MED12L: variants seen among roughly 807,000 people sequenced by gnomAD.
MED12L encodes mediator complex subunit 12L, also known as mediator of RNA polymerase II transcription subunit 12-like protein.
Under a neutral mutation model 281.3 loss-of-function variants are expected in MED12L, and 60 were observed. That is an observed-to-expected ratio of 0.21 (90% CI 0.17 to 0.26). The LOEUF (loss-of-function observed/expected upper bound fraction) is 0.26. Ranked by LOEUF, MED12L falls within the 10% of genes least tolerant of loss-of-function variation. The pLI is 1.00. For synonymous variants in MED12L, 974 were observed against 987.2 expected, an observed-to-expected ratio of 0.99 and a Z score of 0.25; for missense variants, 2,146 against 2,680.9, an observed-to-expected ratio of 0.80 and a Z score of 4.41.
At chr3:151,282,186 C>T (rs1442502615) in intron 16 of MED12L, among the ~76,000 whole-genome samples, 1 of 152,150 alleles carries the variant, frequency 6.6e-6, no homozygotes, top group East Asian at 1.9e-4. Flanking sequence ...CTCTTGGAGA[C>T]TTGTTCATGT....
chr3:151,178,204 GCTGCCTGTTT>G, intron 11 of MED12L, among the ~76,000 whole-genome samples: 1 of 135,130 alleles, frequency 7.4e-6, no homozygotes, highest in Admixed American at 7.5e-5. Context: ...AATATGAAAA[GCTGCCTGTTT>G]CTGCCCCATG....
Position 151,369,473 on chromosome 3 carries a change from A to G in MED12L, c.3588A>G (p.Arg1196=), listed in dbSNP as rs1286890825. 1.2e-6 allele frequency: 2 copies of G among 1,610,932 alleles called. No homozygotes were observed. The highest frequency in any genetic ancestry group is 1.7e-6 in the Non-Finnish European group (2 of 1,178,166). ...PFPGIRSSCD[R]HLLAAAHNSI... ...CTGGAATAAGATCATCTTGTGATAG[A>G]CACCTCTTAGCCGCTGCTCACAACA... is the stretch of plus-strand genomic sequence containing the variant. Residue 1196 remains arginine, a synonymous_variant, in exon 26 of 45, where the codon AGA becomes AGG. Coordinates refer to ENST00000687756, the MANE Select transcript of MED12L (RefSeq NM_001393769.1).
intron 16 of MED12L, among the ~76,000 whole-genome samples, chr3:151,283,738 A>C (rs1157036578): frequency 1.3e-5 from 2 of 152,210 alleles, no homozygotes; most frequent in Non-Finnish European, 2.9e-5. Flanking sequence ...ATATTCTCCA[A>C]CTCCGTGCTC....
rs568837908 is a variant in MED12L, at chr3:151,197,590, CCATCTG to C, written c.2250+3925_2250+3930del. ...AGTCAGTGTATCTGTTTTATAAAGA[CCATCTG>C]ACTGGTGCTGTTTTACCATTGATGT... is the stretch of plus-strand genomic sequence containing the variant. On this transcript the variant is annotated intron_variant, in intron 16 of 44. Coordinates refer to ENST00000687756, the MANE Select transcript of MED12L (RefSeq NM_001393769.1). Among the ~76,000 whole-genome samples the C allele has an allele frequency of 1.9e-3, 286 of 152,306 alleles. 3 individuals carry two copies. The highest frequency in any genetic ancestry group is 9.5e-3 in the South Asian group (46 of 4,826).
intron 16 of MED12L, chr3:151,278,357 A>G (rs1348045330): frequency 6.7e-6 from 1 of 149,376 alleles, no homozygotes; most frequent in African/African-American, 2.4e-5. Flanking sequence ...GTAGGCTCCA[A>G]GGTAACACTG....
At chr3:151,148,413 A>G (rs957304648) in intron 5 of MED12L, among the ~76,000 whole-genome samples, 1 of 152,230 alleles carries the variant, frequency 6.6e-6, no homozygotes, top group Non-Finnish European at 1.5e-5. Context: ...GAGTAATGGT[A>G]TATATAATAG....
chr3:151,330,350 G>C (rs1326677749), intron 16 of MED12L, among the ~76,000 whole-genome samples: 1 of 152,124 alleles, frequency 6.6e-6, no homozygotes, highest in Non-Finnish European at 1.5e-5. Context: ...AATCTTTTTT[G>C]TATTTGGTGT....
At position 151,283,338 on chromosome 3, in the gene MED12L, T is replaced by G. The variant is rs931979208; in HGVS notation, c.2251-66721T>G. 3.3e-5 allele frequency among the ~76,000 whole-genome samples: 5 copies of G among 152,268 alleles called. No homozygotes were observed. In the South Asian group the frequency reaches 1.0e-3, roughly 31 times the overall value. On this transcript the variant is annotated intron_variant, in intron 16 of 44. Transcript: ENST00000687756. ...TCTTGAAAATCAGAAGGACTGAATC[T>G]CGACTGATGTTAGCAAAGAATCAGA... is the stretch of plus-strand genomic sequence containing the variant.
chr3:151,274,891 T>A (rs1741591553), intron 16 of MED12L, among the ~76,000 whole-genome samples: 1 of 152,184 alleles, frequency 6.6e-6, no homozygotes, highest in Non-Finnish European at 1.5e-5. Flanking sequence ...TTGTAAGGAA[T>A]CAGTGTTGAA....
intron 17 of MED12L, among the ~76,000 whole-genome samples, chr3:151,354,905 T>G (rs1240832282): frequency 6.6e-6 from 1 of 152,170 alleles, no homozygotes; most frequent in Non-Finnish European, 1.5e-5. Flanking sequence ...TTTGATCTCC[T>G]AGGGAGGGAG....
intron 36 of MED12L, among the ~76,000 whole-genome samples, chr3:151,386,615 C>A (rs1338890064): frequency 2.8e-5 from 4 of 142,640 alleles, no homozygotes; most frequent in African/African-American, 1.0e-4. Flanking sequence ...CTTGCTCTGT[C>A]ACCCAGGCTG....
At chr3:151,336,605 G>T (rs1751025104) in intron 16 of MED12L, 1 of 452,396 alleles carries the variant, frequency 2.2e-6, no homozygotes, top group Non-Finnish European at 4.4e-6. Context: ...TATATGTTTT[G>T]TTTATGTTAA....
At chr3:151,265,906 G>A (rs753760682) in intron 16 of MED12L, among the ~76,000 whole-genome samples, 1 of 152,148 alleles carries the variant, frequency 6.6e-6, no homozygotes, top group Non-Finnish European at 1.5e-5. Context: ...GAGTCTTGCG[G>A]CCCTGAGAAT....
chr3:151,152,135 G>A (rs187899854), intron 5 of MED12L, among the ~76,000 whole-genome samples: 151 of 119,032 alleles, frequency 1.3e-3, no homozygotes, highest in Non-Finnish European at 1.9e-3. Flanking sequence ...GGTCTCACTC[G>A]GTTGCCCAGG....
intron 43 of MED12L, among the ~76,000 whole-genome samples, chr3:151,426,724 A>G (rs575403247): frequency 1.1e-3 from 162 of 152,320 alleles, no homozygotes; most frequent in African/African-American, 3.7e-3. Context: ...TATGTTTAGT[A>G]CCTAAAGATA....
chr3:151,240,082 C>T (rs1187342992), intron 16 of MED12L, among the ~76,000 whole-genome samples: 3 of 151,110 alleles, frequency 2.0e-5, no homozygotes, highest in African/African-American at 4.9e-5. Context: ...ACCTGTGGGT[C>T]TCACAGCCCC....
At chr3:151,236,503 C>T (rs190482438) in intron 16 of MED12L, among the ~76,000 whole-genome samples, 11 of 152,188 alleles carry the variant, frequency 7.2e-5, no homozygotes, top group South Asian at 4.1e-4. Flanking sequence ...GTAACCAAAA[C>T]GAAAGCCAAG....
At chr3:151,311,281 C>A (rs1458375437) in intron 16 of MED12L, among the ~76,000 whole-genome samples, 1 of 151,796 alleles carries the variant, frequency 6.6e-6, no homozygotes, top group East Asian at 1.9e-4. Flanking sequence ...GCTCTAGGCA[C>A]AGAATGAATA....
rs10935844 is a variant in MED12L, at chr3:151,411,107, T to G, written c.5911-171T>G. Among the ~76,000 whole-genome samples the G allele has an allele frequency of 0.51, 77,053 of 151,982 alleles. 19,606 individuals are homozygous for G. The highest frequency in any genetic ancestry group is 0.57 in the Middle Eastern group (167 of 292). On this transcript the variant is annotated intron_variant, in intron 40 of 44. Coordinates refer to ENST00000687756, the MANE Select transcript of MED12L (RefSeq NM_001393769.1). ...GATCATTCTGTGGCTTTTCTGACCATATTCCCTGCATCCAGGGTAGTCCTC... is the reference window on the plus strand; with the variant it reads ...GATCATTCTGTGGCTTTTCTGACCAGATTCCCTGCATCCAGGGTAGTCCTC...
Sources: allele counts gnomAD v4.1 joint callset (sites outside exome capture counted in the v4.1 genomes callset), GRCh38; gene constraint gnomAD v4.1.1; transcripts MANE v1.5; gene names NCBI Gene and HGNC (gene_info 2026-07-23, HGNC 2026-07-21).